Variants in ZNF776 observed in about 807,000 individuals in gnomAD.
The protein encoded by ZNF776 is zinc finger protein 776.
ZNF776 carries 4 observed loss-of-function variants against 7.0 expected under a neutral mutation model. The observed-to-expected ratio is 0.57, with a 90% CI of 0.28 to 1.31. ZNF776 has a LOEUF of 1.31. ZNF776 is among the 50% of genes most tolerant of loss of function. The pLI is 0.10. For missense variants in ZNF776, 555 were observed against 625.9 expected (o/e 0.89, Z 1.21); for synonymous variants, 212 against 213.7 (o/e 0.99, Z 0.07).
At position 57,757,850 on chromosome 19, in the gene ZNF776, A is replaced by C. The variant is rs1986823195; in HGVS notation, c.*3163A>C. ...TACAATATTTGCTTAACAGTAGATT[A>C]ATGTCAATTTTCTGGAATTTTATAT... On this transcript the variant is annotated 3_prime_UTR_variant, in exon 3 of 3. Coordinates refer to ENST00000317178, the MANE Select transcript of ZNF776 (RefSeq NM_173632.4). 1 of 152,240 alleles carries C rather than the reference A, an allele frequency of 6.6e-6. No homozygotes were observed. 9.4% of individuals were successfully genotyped at this position (152,240 alleles called of 1,614,324 possible). A position where few individuals can be genotyped will look rare whatever the true frequency, so the allele number is the denominator to read the frequency against.
chr19:57,750,437 A>AT (rs958606061), intron 1 of ZNF776, among the ~76,000 whole-genome samples: 5 of 151,632 alleles, frequency 3.3e-5, no homozygotes, highest in Non-Finnish European at 7.4e-5. Context: ...TATCTCAAAA[A>AT]AAAAAAAAGC....
rs376101331 is a variant in ZNF776 at position 57,753,514 on chromosome 19, C to G, written c.384C>G (p.Asn128Lys). The stretch of plus-strand genomic sequence containing the variant: ...AAAAAAAATTGGATGACGATGCAAA[C>G]CATCATCAAGACCAGAAGCAGCACA... Reference protein sequence around the residue: ...AYEKKLDDDANHHQDQKQHIG... With the variant: ...AYEKKLDDDAKHHQDQKQHIG... Residue 128 changes from asparagine (N) to lysine (K), a missense_variant, in exon 3 of 3, where the codon AAC (asparagine) becomes AAG (lysine). By Grantham distance (94) the Asn-to-Lys change is moderately conservative. Transcript: ENST00000317178. 1.2e-6 allele frequency: 2 copies of G among 1,614,040 alleles called. No individual in the cohort carries two copies. The highest frequency in any genetic ancestry group is 2.7e-5 in the African/African-American group (2 of 74,910).
At chr19:57,753,151 A>C in intron 2 of ZNF776, 140 bp from the exon 3 acceptor site, 1 of 758,242 alleles carries the variant, frequency 1.3e-6, no homozygotes, top group Admixed American at 2.8e-5. Flanking sequence ...ACCTTCATAA[A>C]GCATGTGGGT....
Position 57,756,791 on chromosome 19 carries a change from A to G in ZNF776, c.*2104A>G. On this transcript the variant is annotated 3_prime_UTR_variant, in exon 3 of 3. Transcript: ENST00000317178. Reference sequence around the variant, plus strand: ...CCTACAGTGCATTCATGTGTCCTGAAGTCCAGAATTCTGTAGGATAGTGTC... The same window carrying G: ...CCTACAGTGCATTCATGTGTCCTGAGGTCCAGAATTCTGTAGGATAGTGTC... 4.6e-6 allele frequency: 2 copies of G among 432,186 alleles called. No individual in the cohort carries two copies. Among genetic ancestry groups the G allele is most frequent in the East Asian group, 1.4e-4 (2 of 14,148 alleles). The allele number at this position is 432,186 out of a possible 1,614,324, so 26.8% of individuals were successfully genotyped here. A position where few individuals can be genotyped will look rare whatever the true frequency, so the allele number is the denominator to read the frequency against.
chr19:57,747,845 CTTTT>C (rs35757667), intron 1 of ZNF776, among the ~76,000 whole-genome samples: 1 of 144,938 alleles, frequency 6.9e-6, no homozygotes, highest in African/African-American at 2.5e-5. Flanking sequence ...TCTTAGGTAC[CTTTT>C]TTTTTTTTTT....
At position 57,756,811 on chromosome 19, in the gene ZNF776, A is replaced by G; in HGVS notation, c.*2124A>G. The stretch of plus-strand genomic sequence containing the variant: ...CCTGAAGTCCAGAATTCTGTAGGAT[A>G]GTGTCCTACGTTATAAGCCTGGAGA... On this transcript the variant is annotated 3_prime_UTR_variant, in exon 3 of 3. Coordinates refer to ENST00000317178, the MANE Select transcript of ZNF776 (RefSeq NM_173632.4). 2 of 446,608 alleles carry G rather than the reference A, an allele frequency of 4.5e-6. No individual in the cohort carries two copies. Among genetic ancestry groups the G allele is most frequent in the Middle Eastern group, 3.3e-4 (1 of 3,030 alleles). The allele number at this position is 446,608 out of a possible 1,614,324, so 27.7% of individuals were successfully genotyped here.
intron 1 of ZNF776, among the ~76,000 whole-genome samples, chr19:57,750,219 T>G (rs1435788940): frequency 6.6e-6 from 1 of 151,370 alleles, no homozygotes; most frequent in Non-Finnish European, 1.5e-5. Flanking sequence ...AGCTCAGGAT[T>G]TCGAGACTAA....
chr19:57,746,927 C>A lies in ZNF776; in HGVS notation c.-132C>A. 2 of 892,892 alleles carry A rather than the reference C, an allele frequency of 2.2e-6. No individual in the cohort carries two copies. Among genetic ancestry groups the A allele is most frequent in the Non-Finnish European group, 3.4e-6 (2 of 595,042 alleles). The allele number at this position is 892,892 out of a possible 1,614,324, so 55.3% of individuals were successfully genotyped here. On this transcript the variant is annotated 5_prime_UTR_variant, in exon 1 of 3. Transcript: ENST00000317178. ...TGGAGACGAGACGTTGTCCCGACTG[C>A]ACAGAGGCTGCTCTGCAGCTCCTTA...
In ZNF776 at chr19:57,753,781, T is replaced by C. The variant is rs376321706; in HGVS notation, c.651T>C (p.Phe217=). ...TCTGTGGAGAGTCCACAATACCGTTTAGCAACAAACACTCACTTGTCCTTC... is the reference window on the plus strand; with the variant it reads ...TCTGTGGAGAGTCCACAATACCGTTCAGCAACAAACACTCACTTGTCCTTC... The part of the protein sequence containing the change: ...HYICGESTIP[F]SNKHSLVLHQ... Residue 217 remains phenylalanine (F), a synonymous_variant, in exon 3 of 3, where the codon TTT becomes TTC. Transcript: ENST00000317178. 3.7e-6 allele frequency: 6 copies of C among 1,614,120 alleles called. No individual in the cohort carries two copies. The highest frequency in any genetic ancestry group is 4.2e-6 in the Non-Finnish European group (5 of 1,180,054).
chr19:57,748,552 A>G (rs1252943496), intron 1 of ZNF776, among the ~76,000 whole-genome samples: 1 of 152,154 alleles, frequency 6.6e-6, no homozygotes. Context: ...ATTAAGGAGA[A>G]CACACTTCAG....
Position 57,754,801 on chromosome 19 carries a change from G to A in ZNF776, c.*114G>A. ...GCAAAATCATCTAGCCAAAAGGTTG[G>A]CCTCATTCAACAATAGCAAGATCAC... is the stretch of plus-strand genomic sequence containing the variant. On this transcript the variant is annotated 3_prime_UTR_variant, in exon 3 of 3. Transcript: ENST00000317178. The A allele has an allele frequency of 9.0e-7, 1 of 1,105,076 alleles. No homozygotes were observed. The highest frequency in any genetic ancestry group is 1.3e-6 in the Non-Finnish European group (1 of 775,856). The allele number at this position is 1,105,076 out of a possible 1,614,324, so 68.5% of individuals were successfully genotyped here. A position where few individuals can be genotyped will look rare whatever the true frequency, so the allele number is the denominator to read the frequency against.
Position 57,755,117 on chromosome 19 carries a change from A to C in ZNF776, c.*430A>C. 1 of 188,558 alleles carries C rather than the reference A, an allele frequency of 5.3e-6. No individual in the cohort carries two copies. The allele number at this position is 188,558 out of a possible 1,614,324, so 11.7% of individuals were successfully genotyped here. A position where few individuals can be genotyped will look rare whatever the true frequency, so the allele number is the denominator to read the frequency against. ...CACATAATAATTTCTCACATAATAA[A>C]TGTGAGAAATCATTTCCGTACAGCT... is the stretch of plus-strand genomic sequence containing the variant. On this transcript the variant is annotated 3_prime_UTR_variant, in exon 3 of 3. Transcript: ENST00000317178.
intron 1 of ZNF776, chr19:57,749,304 A>T (rs1881121654): frequency 6.6e-6 from 1 of 152,228 alleles, no homozygotes; most frequent in South Asian, 2.1e-4. Context: ...GTATTAGGTG[A>T]ATGGAAGTTG....
In ZNF776 at chr19:57,754,542, A is replaced by C. The variant is rs1182663577; in HGVS notation, c.1412A>C (p.Gln471Pro). 1 of 1,614,196 alleles carries C rather than the reference A, an allele frequency of 6.2e-7. No homozygotes were observed. The highest frequency in any genetic ancestry group is 2.2e-5 in the East Asian group (1 of 44,876). Residue 471 changes from glutamine (Q) to proline (P), a missense_variant, in exon 3 of 3, where the codon CAA (glutamine) becomes CCA (proline). By Grantham distance (76) the Gln-to-Pro change is moderately conservative. Transcript: ENST00000317178. ...ECGECGKCFH[Q>P]KGSLIRHQQI... is the part of the protein sequence containing the mutation. Reference sequence around the variant, plus strand: ...GGAGAATGTGGGAAATGTTTTCATCAAAAGGGCAGTCTCATTCGACATCAG... The same window carrying C: ...GGAGAATGTGGGAAATGTTTTCATCCAAAGGGCAGTCTCATTCGACATCAG...
intron 1 of ZNF776, among the ~76,000 whole-genome samples, chr19:57,750,440 A>AG (rs1394448794): frequency 6.6e-6 from 1 of 151,598 alleles, no homozygotes; most frequent in Non-Finnish European, 1.5e-5. Context: ...CTCAAAAAAA[A>AG]AAAAAGCAAA....
chr19:57,754,379 T>G lies in ZNF776; in HGVS notation c.1249T>G (p.Ser417Ala). The change falls in exon 3 of 3, where the codon TCA (serine) becomes GCA (alanine). Residue 417 changes from serine (S) to alanine (A), a missense_variant. Coordinates refer to ENST00000317178, the MANE Select transcript of ZNF776 (RefSeq NM_173632.4). The stretch of plus-strand genomic sequence containing the variant: ...ATGTAGGAAATCATTTAGGTACAAG[T>G]CACACCTCACTGAACACCAGAGAGT... ...KECRKSFRYK[S>A]HLTEHQRVHT... 3.1e-6 allele frequency: 5 copies of G among 1,611,704 alleles called. No individual in the cohort carries two copies. The highest frequency in any genetic ancestry group is 4.2e-6 in the Non-Finnish European group (5 of 1,179,184).
At chr19:57,747,556 A>G (rs1053071766) in intron 1 of ZNF776, among the ~76,000 whole-genome samples, 7 of 152,314 alleles carry the variant, frequency 4.6e-5, no homozygotes, top group Admixed American at 2.6e-4. Flanking sequence ...TTCAACCTCT[A>G]CAGATCAGAT....
rs1253413707 is a variant in ZNF776 at position 57,753,920 on chromosome 19, T to C, written c.790T>C (p.Tyr264His). 1.5e-5 allele frequency: 24 copies of C among 1,614,212 alleles called. No individual in the cohort carries two copies. Among genetic ancestry groups the C allele is most frequent in the Non-Finnish European group, 2.0e-5 (24 of 1,180,032 alleles). The change falls in exon 3 of 3, where the codon TAT becomes CAT. Residue 264 changes from tyrosine to histidine, a missense_variant. Physicochemically the swap from Tyr to His is moderately conservative, Grantham distance 83. Transcript: ENST00000317178. ...GGGAGTTCGCACTGGAAAAAGACCTTATCAGTGTGGACAATGTGATGAATC... is the reference window on the plus strand; with the variant it reads ...GGGAGTTCGCACTGGAAAAAGACCTCATCAGTGTGGACAATGTGATGAATC... Reference protein sequence around the residue: ...HQGVRTGKRPYQCGQCDESFW... With the variant: ...HQGVRTGKRPHQCGQCDESFW...
chr19:57,754,924 C>A lies in ZNF776; in HGVS notation c.*237C>A, dbSNP rs1007314819. The A allele has an allele frequency of 6.7e-5, 36 of 540,384 alleles. 1 individual carries two copies. In the Admixed American group the frequency reaches 8.5e-4, roughly 13 times the overall value. 33.5% of individuals were successfully genotyped at this position (540,384 alleles called of 1,614,324 possible). A position where few individuals can be genotyped will look rare whatever the true frequency, so the allele number is the denominator to read the frequency against. On this transcript the variant is annotated 3_prime_UTR_variant, in exon 3 of 3. Transcript: ENST00000317178. ...CAGAAGGGTCACACTGGAGAAAGAC[C>A]CTATAGTTATGGGGAATTTGGGAAA...
Sources: gnomAD v4.1 joint callset for allele counts (sites outside exome capture counted in the v4.1 genomes callset) on GRCh38, gnomAD v4.1.1 for gene constraint, MANE v1.5 for transcripts, NCBI Gene and HGNC (gene_info 2026-07-23, HGNC 2026-07-21) for gene names.